Variants in FTO observed in about 807,000 individuals in gnomAD.
The protein encoded by FTO is alpha-ketoglutarate-dependent dioxygenase FTO.
In FTO, 47 loss-of-function variants were observed where a neutral mutation model predicts 63.9. That is an observed-to-expected ratio of 0.74 (90% CI 0.58 to 0.94). The LOEUF is 0.94. Ranked by LOEUF, FTO falls within the 40% of genes least tolerant of loss-of-function variation. The probability of loss-of-function intolerance (pLI) is 0.00; values close to 1 mark genes in which losing one functional copy is unlikely to be tolerated. For missense variants in FTO, 562 were observed against 618.1 expected, an observed-to-expected ratio of 0.91 and a Z score of 0.96; for synonymous variants, 207 against 224.4, an observed-to-expected ratio of 0.92 and a Z score of 0.69.
intron 8 of FTO, among the ~76,000 whole-genome samples, chr16:53,966,528 G>A (rs746369802): frequency 9.2e-5 from 14 of 152,180 alleles, no homozygotes; most frequent in Non-Finnish European, 1.9e-4. Flanking sequence ...TGATTTCTCA[G>A]TCTACAACAT....
chr16:53,826,681 CT>C (rs2079015354), intron 3 of FTO, among the ~76,000 whole-genome samples, 190 bp downstream of exon 3: 1 of 152,194 alleles, frequency 6.6e-6, no homozygotes, highest in Non-Finnish European at 1.5e-5. Context: ...CAGAATATGC[CT>C]CTTTCTCATC....
chr16:54,027,658 A>T (rs1320097010), intron 8 of FTO, among the ~76,000 whole-genome samples: 3 of 152,104 alleles, frequency 2.0e-5, no homozygotes, highest in Non-Finnish European at 2.9e-5. Context: ...AGACAAGAAG[A>T]GTAATTGGAT....
intron 4 of FTO, among the ~76,000 whole-genome samples, chr16:53,857,414 C>A (rs2080034582): frequency 6.6e-6 from 1 of 151,632 alleles, no homozygotes; most frequent in Non-Finnish European, 1.5e-5. Context: ...ATGTCACCTA[C>A]TACTACTAAG....
intron 7 of FTO, among the ~76,000 whole-genome samples, chr16:53,918,336 A>G (rs972434821): frequency 2.6e-5 from 4 of 152,206 alleles, no homozygotes; most frequent in Non-Finnish European, 5.9e-5. Context: ...AAACCTGTAC[A>G]GCATGTTACT....
intron 8 of FTO, chr16:53,992,726 G>C (rs1190035833): frequency 6.6e-6 from 1 of 152,104 alleles, no homozygotes; most frequent in Non-Finnish European, 1.5e-5. Flanking sequence ...TGTTGAACTT[G>C]AGGCAAGACT....
At chr16:53,898,797 A>G (rs1567412967) in intron 7 of FTO, among the ~76,000 whole-genome samples, 1 of 152,078 alleles carries the variant, frequency 6.6e-6, no homozygotes. Flanking sequence ...TGCCCACCTC[A>G]GCCTCCTGAG....
chr16:54,059,893 GT>G (rs201347567), intron 8 of FTO, among the ~76,000 whole-genome samples: 1 of 151,192 alleles, frequency 6.6e-6, no homozygotes, highest in Admixed American at 6.6e-5. Context: ...ACTATAATTA[GT>G]TTTTTTTTGT....
intron 8 of FTO, chr16:54,034,143 C>T (rs2084892192): frequency 6.6e-6 from 1 of 152,138 alleles, no homozygotes; most frequent in Admixed American, 6.5e-5. Context: ...GGTTATTTCC[C>T]CCATTACTGA....
chr16:53,954,878 G>T (rs780843988), intron 8 of FTO, among the ~76,000 whole-genome samples: 37 of 151,932 alleles, frequency 2.4e-4, no homozygotes, highest in Non-Finnish European at 4.7e-4. Context: ...AAGCAAGAGT[G>T]AGTGGCATGA....
chr16:53,875,235 T>A (rs2080614268), intron 5 of FTO, among the ~76,000 whole-genome samples: 1 of 152,182 alleles, frequency 6.6e-6, no homozygotes. Flanking sequence ...AAGAATCCCT[T>A]TCTTGTGGAT....
intron 1 of FTO, among the ~76,000 whole-genome samples, chr16:53,789,422 G>A (rs541503555): frequency 1.2e-4 from 18 of 152,230 alleles, no homozygotes; most frequent in Admixed American, 5.2e-4. Flanking sequence ...AAACTTGACC[G>A]TTCTCTTGGA....
chr16:54,078,677 A>T (rs1392616938), intron 8 of FTO, among the ~76,000 whole-genome samples: 1 of 152,130 alleles, frequency 6.6e-6, no homozygotes, highest in Non-Finnish European at 1.5e-5. Flanking sequence ...TTCAAAATCA[A>T]TAGTGATTAA....
rs150189403 is a variant in FTO, at chr16:53,843,858, C to G, written c.752-297C>G. On this transcript the variant is annotated intron_variant, in intron 3 of 8. Transcript: ENST00000471389. ...AGAGATGGGGGTCTTGATTTCTTGCCCAGGCTGGTCTTGAATGCCCGACTT... is the reference window on the plus strand; with the variant it reads ...AGAGATGGGGGTCTTGATTTCTTGCGCAGGCTGGTCTTGAATGCCCGACTT... Among the ~76,000 whole-genome samples the G allele has an allele frequency of 2.7e-3, 414 of 151,260 alleles. 1 individual carries two copies. The highest frequency in any genetic ancestry group is 9.4e-3 in the African/African-American group (385 of 41,154).
In FTO at chr16:54,018,129, C is replaced by T. The variant is rs147458100; in HGVS notation, c.1364+84020C>T. On this transcript the variant is annotated intron_variant, in intron 8 of 8. Transcript: ENST00000471389. The stretch of plus-strand genomic sequence containing the variant: ...TTTGAATCATCTTTTGTAATGGATG[C>T]GTAATACTCTACCAAATATAGAGTA... Among the ~76,000 whole-genome samples, 612 of 152,052 alleles carry T rather than the reference C, an allele frequency of 4.0e-3. 3 individuals are homozygous for T. The highest frequency in any genetic ancestry group is 0.013 in the African/African-American group (540 of 41,470).
intron 2 of FTO, among the ~76,000 whole-genome samples, chr16:53,818,110 T>C (rs2078750464): frequency 6.6e-6 from 1 of 152,192 alleles, no homozygotes. Context: ...ACTTATTTGT[T>C]TGACAGAATG....
intron 8 of FTO, among the ~76,000 whole-genome samples, chr16:54,086,305 T>G (rs548591873): frequency 6.6e-6 from 1 of 152,330 alleles, no homozygotes; most frequent in Non-Finnish European, 1.5e-5. Flanking sequence ...GATTGCCCAT[T>G]CCATCTGCAT....
intron 4 of FTO, among the ~76,000 whole-genome samples, chr16:53,867,808 T>C (rs2080371360): frequency 6.6e-6 from 1 of 152,210 alleles, no homozygotes; most frequent in Admixed American, 6.5e-5. Context: ...ACATCTCCAG[T>C]TATAGTAGTG....
intron 8 of FTO, among the ~76,000 whole-genome samples, chr16:54,073,224 T>A (rs895674464): frequency 6.6e-6 from 1 of 152,132 alleles, no homozygotes; most frequent in Non-Finnish European, 1.5e-5. Context: ...TCTCAAGGGA[T>A]GGGACACCTT....
chr16:54,081,188 G>A (rs2086131316), intron 8 of FTO, among the ~76,000 whole-genome samples: 1 of 152,066 alleles, frequency 6.6e-6, no homozygotes, highest in African/African-American at 2.4e-5. Context: ...AACTTGTAGA[G>A]GGGAGAGAGA....
Sources: allele counts gnomAD v4.1 joint callset (sites outside exome capture counted in the v4.1 genomes callset), GRCh38; gene constraint gnomAD v4.1.1; transcripts MANE v1.5; gene names NCBI Gene and HGNC (gene_info 2026-07-23, HGNC 2026-07-21).